Variants in LRRC49 observed in about 807,000 individuals in gnomAD.
The protein encoded by LRRC49 is leucine-rich repeat-containing protein 49.
A neutral mutation model predicts 83.3 loss-of-function variants in LRRC49; 50 were observed. The ratio of observed to expected loss-of-function variants is 0.60; its 90% CI spans 0.48 to 0.76. The LOEUF (loss-of-function observed/expected upper bound fraction) is 0.76, where lower values mean the gene tolerates loss of function less well. Among genes scored for constraint, LRRC49 ranks in the 30% least tolerant of loss-of-function variants. LRRC49 has a pLI of 0.00. For synonymous variants in LRRC49, 286 were observed against 283.3 expected, an observed-to-expected ratio of 1.01 and a Z score of -0.10; for missense variants, 704 against 809.1, an observed-to-expected ratio of 0.87 and a Z score of 1.58.
At chr15:70,995,237 G>T (rs1289610453) in intron 11 of LRRC49, among the ~76,000 whole-genome samples, 1 of 152,184 alleles carries the variant, frequency 6.6e-6, no homozygotes, top group African/African-American at 2.4e-5. Context: ...CAGATTGGAA[G>T]AAAATTTTGT....
intron 7 of LRRC49, among the ~76,000 whole-genome samples, chr15:70,919,605 G>T (rs986227590): frequency 1.3e-5 from 2 of 152,182 alleles, no homozygotes; most frequent in Non-Finnish European, 2.9e-5. Context: ...TGTATGCTTT[G>T]CAGTTTTTAA....
At chr15:70,886,674 TG>T (rs2033415692) in intron 2 of LRRC49, among the ~76,000 whole-genome samples, 1 of 151,910 alleles carries the variant, frequency 6.6e-6, no homozygotes, top group African/African-American at 2.4e-5. Flanking sequence ...AAGACCAGCC[TG>T]GCCAAGATGG....
chr15:70,859,033 C>T, intron 1 of LRRC49: 1 of 1,363,660 alleles, frequency 7.3e-7, no homozygotes, highest in Non-Finnish European at 1.0e-6. Context: ...CCTTCATAGA[C>T]AAGGTATGGT....
intron 2 of LRRC49, among the ~76,000 whole-genome samples, chr15:70,883,675 G>A (rs1162763653): frequency 6.7e-6 from 1 of 149,920 alleles, no homozygotes; most frequent in South Asian, 2.1e-4. Context: ...TGAGACAGGG[G>A]TCTCCCTCTG....
intron 14 of LRRC49, among the ~76,000 whole-genome samples, chr15:71,016,710 G>A (rs956065096): frequency 1.3e-5 from 2 of 151,800 alleles, no homozygotes; most frequent in East Asian, 3.9e-4. Flanking sequence ...ATAATAAGCT[G>A]TTGAAAATAG....
At chr15:71,042,681 A>C (rs1308327814) in intron 15 of LRRC49, among the ~76,000 whole-genome samples, 1 of 152,190 alleles carries the variant, frequency 6.6e-6, no homozygotes, top group East Asian at 1.9e-4. Context: ...AGTTCTTCAC[A>C]AATCAGGTTA....
intron 9 of LRRC49, among the ~76,000 whole-genome samples, chr15:70,978,235 G>C (rs1237419834): frequency 1.3e-5 from 2 of 152,038 alleles, no homozygotes; most frequent in Non-Finnish European, 1.5e-5. Flanking sequence ...TTTATTTCAG[G>C]CTTCTAATAC....
intron 8 of LRRC49, among the ~76,000 whole-genome samples, chr15:70,941,988 A>G (rs2035835250): frequency 6.6e-6 from 1 of 151,748 alleles, no homozygotes; most frequent in African/African-American, 2.4e-5. Flanking sequence ...TTTTCCAGAT[A>G]TTCTTCTATA....
chr15:70,920,151 A>G (rs1380004886), intron 7 of LRRC49, among the ~76,000 whole-genome samples: 5 of 152,220 alleles, frequency 3.3e-5, no homozygotes, highest in South Asian at 2.1e-4. Context: ...AAGACACAAT[A>G]TAACTCTTAG....
chr15:70,987,602 A>C (rs1049082052), intron 11 of LRRC49, among the ~76,000 whole-genome samples: 1 of 151,920 alleles, frequency 6.6e-6, no homozygotes, highest in African/African-American at 2.4e-5. Flanking sequence ...GGATTCATTA[A>C]TTTTTTGAAG....
At position 71,050,831 on chromosome 15, in the gene LRRC49, G is replaced by A. The variant is rs892758657; in HGVS notation, c.*1219G>A. The stretch of plus-strand genomic sequence containing the variant: ...ATCATAGCCTTAAAAGGCTGTCCTG[G>A]TTTTTTCTTTTTCTTTTTTTTTTTT... On this transcript the variant is annotated 3_prime_UTR_variant, in exon 16 of 16. Transcript: ENST00000260382. The A allele has an allele frequency of 6.6e-6, 1 of 152,208 alleles. No individual in the cohort carries two copies. Among genetic ancestry groups the A allele is most frequent in the African/African-American group, 2.4e-5 (1 of 41,264 alleles). 9.4% of individuals were successfully genotyped at this position (152,208 alleles called of 1,614,324 possible).
At position 71,051,344 on chromosome 15, in the gene LRRC49, A is replaced by T. The variant is rs1390121019; in HGVS notation, c.*1732A>T. 1 of 152,222 alleles carries T rather than the reference A, an allele frequency of 6.6e-6. No homozygotes were observed. The highest frequency in any genetic ancestry group is 1.5e-5 in the Non-Finnish European group (1 of 68,052). 9.4% of individuals were successfully genotyped at this position (152,222 alleles called of 1,614,324 possible). The stretch of plus-strand genomic sequence containing the variant: ...TACTCTTTTGGCTGTAGGTTGAACA[A>T]TAGGGTTGGTGCCCTAGGACAGAGG... On this transcript the variant is annotated 3_prime_UTR_variant, in exon 16 of 16. Coordinates refer to ENST00000260382, the MANE Select transcript of LRRC49 (RefSeq NM_017691.5).
chr15:70,888,672 C>G (rs1400322235), upstream of LRRC49, among the ~76,000 whole-genome samples: 1 of 151,900 alleles, frequency 6.6e-6, no homozygotes, highest in Non-Finnish European at 1.5e-5. Context: ...TATTAAGAAC[C>G]AAGAGGCAAC....
chr15:70,913,350 G>A (rs1174799182), intron 6 of LRRC49, among the ~76,000 whole-genome samples: 4 of 152,178 alleles, frequency 2.6e-5, no homozygotes, highest in Admixed American at 6.5e-5. Context: ...TATTAGGTTC[G>A]AATCTAGTTC....
chr15:70,892,485 G>C, upstream of LRRC49: 1 of 1,529,224 alleles, frequency 6.5e-7, no homozygotes, highest in Non-Finnish European at 8.7e-7. Context: ...TCCTCCCTGC[G>C]CTGCTCCCCA....
chr15:70,909,494 C>A (rs2034456276), intron 5 of LRRC49, among the ~76,000 whole-genome samples: 1 of 152,120 alleles, frequency 6.6e-6, no homozygotes, highest in Non-Finnish European at 1.5e-5. Context: ...TAATTTTCTG[C>A]AACTGTTGTA....
intron 8 of LRRC49, among the ~76,000 whole-genome samples, chr15:70,954,646 T>C (rs937728820): frequency 1.3e-5 from 2 of 152,178 alleles, no homozygotes; most frequent in East Asian, 1.9e-4. Flanking sequence ...TTGACTGTGG[T>C]GTAAGCTGGA....
chr15:70,919,984 C>T (rs1017681473), intron 7 of LRRC49, among the ~76,000 whole-genome samples: 1 of 152,056 alleles, frequency 6.6e-6, no homozygotes, highest in Admixed American at 6.6e-5. Flanking sequence ...ATTTTGTATT[C>T]GTACATATGT....
chr15:71,045,652 A>G (rs2039833074), intron 15 of LRRC49, among the ~76,000 whole-genome samples: 1 of 152,176 alleles, frequency 6.6e-6, no homozygotes, highest in Non-Finnish European at 1.5e-5. Flanking sequence ...TTTTTTTCAC[A>G]TAACATTATG....
Sources: gnomAD v4.1 joint callset for allele counts (sites outside exome capture counted in the v4.1 genomes callset) on GRCh38, gnomAD v4.1.1 for gene constraint, MANE v1.5 for transcripts, NCBI Gene and HGNC (gene_info 2026-07-23, HGNC 2026-07-21) for gene names.